TMPRSS9: variants seen among roughly 807,000 people sequenced by gnomAD.
TMPRSS9 encodes the protein transmembrane protease serine 9.
Under a neutral mutation model 111.4 loss-of-function variants are expected in TMPRSS9, and 113 were observed. That is an observed-to-expected ratio of 1.01 (90% CI 0.87 to 1.19). The LOEUF is 1.19. Ranked by LOEUF, TMPRSS9 falls within the 50% of genes most tolerant of loss-of-function variation. TMPRSS9 has a pLI of 0.00. For missense variants in TMPRSS9, 1,803 were observed against 1,513.1 expected, an observed-to-expected ratio of 1.19 and a Z score of -3.18; for synonymous variants, 805 against 659.1, an observed-to-expected ratio of 1.22 and a Z score of -3.39.
chr19:2,424,896 C>A (rs1048346489), intron 15 of TMPRSS9, 106 bp from the exon 17 acceptor site: 2 of 1,314,982 alleles, frequency 1.5e-6, no homozygotes, highest in East Asian at 6.4e-5. Flanking sequence ...GACCAAGAGG[C>A]CAATAACCCT....
chr19:2,368,774 G>GTTTTTTTTTTTTTTTTTTTTTTT lies in TMPRSS9; in HGVS notation c.-26+8419_-26+8441dup, dbSNP rs762761358. Among the ~76,000 whole-genome samples, 5 of 70,386 alleles carry GTTTTTTTTTTTTTTTTTTTTTTT rather than the reference G, an allele frequency of 7.1e-5. 1 individual carries two copies. Among genetic ancestry groups the GTTTTTTTTTTTTTTTTTTTTTTT allele is most frequent in the Admixed American group, 2.0e-4 (1 of 4,990 alleles). The allele number at this position is 70,386 out of a possible 152,430, so 46.2% of individuals were successfully genotyped here. A position where few individuals can be genotyped will look rare whatever the true frequency, so the allele number is the denominator to read the frequency against. Reference sequence around the variant, plus strand: ...TGCCAGGGCATCAAGGATAAACCCAGTTTTTTTTTTTTTTTTTTTTTTTTT... The same window carrying GTTTTTTTTTTTTTTTTTTTTTTT: ...TGCCAGGGCATCAAGGATAAACCCAGTTTTTTTTTTTTTTTTTTTTTTTTTTTTTTTTTTTTTTTTTTTTTTTT... On this transcript the variant is annotated intron_variant, in intron 1 of 17. Transcript: ENST00000649857.
At chr19:2,422,101 C>T in exon 14 of TMPRSS9, 2 of 1,604,906 alleles carry the variant, frequency 1.2e-6, no homozygotes, top group South Asian at 1.1e-5. Context: ...GTCCCGGGGG[C>T]CACACCCAGC....
rs991954271 is a variant in TMPRSS9, at chr19:2,402,138, G to A, written c.556+122G>A. The stretch of plus-strand genomic sequence containing the variant: ...CTGGGCGCGGTGGCTCACATCTGTC[G>A]TCCCAGCACTTCAGGAGGCTGAGGC... On this transcript the variant is annotated intron_variant, in intron 5 of 17. Coordinates refer to ENST00000648592, the Ensembl canonical transcript of TMPRSS9. 8.8e-5 allele frequency: 68 copies of A among 775,046 alleles called. 1 individual carries two copies. Among genetic ancestry groups the A allele is most frequent in the Middle Eastern group, 7.0e-4 (2 of 2,866 alleles). The allele number at this position is 775,046 out of a possible 1,614,324, so 48.0% of individuals were successfully genotyped here. A position where few individuals can be genotyped will look rare whatever the true frequency, so the allele number is the denominator to read the frequency against.
At chr19:2,410,751 T>G (rs184012889) in intron 9 of TMPRSS9, among the ~76,000 whole-genome samples, 1 of 152,178 alleles carries the variant, frequency 6.6e-6, no homozygotes, top group Admixed American at 6.5e-5. Flanking sequence ...TCCCTGGCTA[T>G]GATGGGGTCC....
At chr19:2,385,190 GGGGCGGGGCTCGA>G (rs1277629741), upstream of TMPRSS9, among the ~76,000 whole-genome samples, 6,572 of 125,648 alleles carry the variant, frequency 0.052, 730 homozygotes, top group African/African-American at 0.2. Context: ...GGGGCTCGCG[GGGGCGGGGCTCGA>G]GGGGGCGGGG....
chr19:2,423,483 C>G (rs1259673483), intron 14 of TMPRSS9, among the ~76,000 whole-genome samples: 1 of 141,544 alleles, frequency 7.1e-6, no homozygotes, highest in Non-Finnish European at 1.5e-5. Flanking sequence ...GCGGGGGGGA[C>G]CCAGGGAAGC....
upstream of TMPRSS9, among the ~76,000 whole-genome samples, chr19:2,387,043 AG>A (rs1166535762): frequency 6.6e-6 from 1 of 151,450 alleles, no homozygotes; most frequent in African/African-American, 2.4e-5. Flanking sequence ...CAATGTAGCA[AG>A]ATCCCCTCTC....
In TMPRSS9 at chr19:2,399,879, C is replaced by T. The variant is rs1970793789; in HGVS notation, c.514+686C>T. On this transcript the variant is annotated intron_variant, in intron 4 of 17. Transcript: ENST00000648592. ...CCGAGTAGCTGGGATTACAGGCACG[C>T]ACCACCACGCCTGGCTAATTTTTGT... 2.0e-5 allele frequency among the ~76,000 whole-genome samples: 3 copies of T among 152,100 alleles called. No individual in the cohort carries two copies. In the South Asian group the frequency reaches 6.2e-4, roughly 32 times the overall value.
chr19:2,382,533 C>T (rs982958798), intron 1 of TMPRSS9, among the ~76,000 whole-genome samples: 24 of 152,148 alleles, frequency 1.6e-4, no homozygotes, highest in Admixed American at 1.2e-3. Flanking sequence ...TTCAGAGAAA[C>T]AGGACCAATT....
chr19:2,388,467 G>A (rs541729765), upstream of TMPRSS9, among the ~76,000 whole-genome samples: 4 of 152,234 alleles, frequency 2.6e-5, no homozygotes, highest in East Asian at 3.9e-4. Context: ...GGAGAAGAAG[G>A]GGCCCTGAGG....
chr19:2,410,585 A>G (rs1971074978), intron 9 of TMPRSS9, among the ~76,000 whole-genome samples, 191 bp downstream of exon 10: 1 of 152,152 alleles, frequency 6.6e-6, no homozygotes, highest in Admixed American at 6.6e-5. Flanking sequence ...TTCTTGAGGA[A>G]TTTTAAAGCA....
intron 1 of TMPRSS9, among the ~76,000 whole-genome samples, chr19:2,371,938 A>G (rs541303341): frequency 2.4e-4 from 37 of 152,224 alleles, no homozygotes; most frequent in Admixed American, 5.2e-4. Flanking sequence ...GGAGACATCA[A>G]TGCTGATGGT....
chr19:2,424,313 G>C, intron 15 of TMPRSS9, 56 bp downstream of exon 16: 2 of 1,293,510 alleles, frequency 1.5e-6, no homozygotes, highest in Non-Finnish European at 2.0e-6. Context: ...ACCCGGAACC[G>C]AACTGTTGCC....
At chr19:2,425,336 G>C (rs1376416719) in intron 16 of TMPRSS9, 21 bp from the exon 18 acceptor site, 2 of 1,435,198 alleles carry the variant, frequency 1.4e-6, no homozygotes, top group Non-Finnish European at 1.8e-6. Flanking sequence ...CACCCGCCCC[G>C]TCTCGCTCGC....
At chr19:2,393,526 C>A (rs1031097904) in intron 1 of TMPRSS9, among the ~76,000 whole-genome samples, 1 of 152,166 alleles carries the variant, frequency 6.6e-6, no homozygotes, top group Non-Finnish European at 1.5e-5. Context: ...CAGCTTCATT[C>A]TTGAAGTCAG....
At chr19:2,408,094 T>G (rs1971009195) in intron 7 of TMPRSS9, among the ~76,000 whole-genome samples, 1 of 151,888 alleles carries the variant, frequency 6.6e-6, no homozygotes, top group African/African-American at 2.4e-5. Flanking sequence ...TTTTTTGTTG[T>G]TGTTTTTAAA....
chr19:2,365,719 A>G (rs1970243486), intron 1 of TMPRSS9, among the ~76,000 whole-genome samples: 1 of 152,054 alleles, frequency 6.6e-6, no homozygotes, highest in Admixed American at 6.6e-5. Flanking sequence ...AGTCCCAGCT[A>G]TTTGGGAGGC....
chr19:2,390,262 A>G (rs1970559570), intron 1 of TMPRSS9, among the ~76,000 whole-genome samples: 1 of 85,772 alleles, frequency 1.2e-5, no homozygotes, highest in African/African-American at 5.3e-5. Context: ...TTTTTTTGAG[A>G]CGGAGTCTCT....
chr19:2,362,310 ATGT>A (rs1237337917), intron 1 of TMPRSS9, among the ~76,000 whole-genome samples: 28 of 151,382 alleles, frequency 1.8e-4, no homozygotes, highest in African/African-American at 6.1e-4. Context: ...TTATGTCATG[ATGT>A]TTGTGTGATT....
Sources: gnomAD v4.1 joint callset for allele counts (sites outside exome capture counted in the v4.1 genomes callset) on GRCh38, gnomAD v4.1.1 for gene constraint, MANE v1.5 for transcripts, NCBI Gene and HGNC (gene_info 2026-07-23, HGNC 2026-07-21) for gene names.